Variants in SLC35F1 observed in about 807,000 individuals in gnomAD.
SLC35F1 encodes the protein solute carrier family 35 member F1, also known as chromosome 6 open reading frame 169.
SLC35F1 carries 14 observed loss-of-function variants against 48.7 expected under a neutral mutation model. The ratio of observed to expected loss-of-function variants is 0.29; its 90% CI spans 0.19 to 0.45. The LOEUF is 0.45. Among genes scored for constraint, SLC35F1 ranks in the 20% least tolerant of loss-of-function variants. The pLI is 1.00. For synonymous variants in SLC35F1, 190 were observed against 202.2 expected, an observed-to-expected ratio of 0.94 and a Z score of 0.51; for missense variants, 404 against 500.0, an observed-to-expected ratio of 0.81 and a Z score of 1.83.
At chr6:117,937,149 T>C (rs1776171961) in intron 1 of SLC35F1, among the ~76,000 whole-genome samples, 1 of 152,192 alleles carries the variant, frequency 6.6e-6, no homozygotes, top group South Asian at 2.1e-4. Flanking sequence ...GGGTTCCAAA[T>C]AAGTAGTAGA....
chr6:118,144,200 A>G (rs1039069023), intron 1 of SLC35F1, among the ~76,000 whole-genome samples: 10 of 152,238 alleles, frequency 6.6e-5, no homozygotes, highest in African/African-American at 2.4e-4. Context: ...ATGCCCATCA[A>G]TGATAGACTG....
At chr6:118,140,427 T>C (rs1480484361) in intron 1 of SLC35F1, among the ~76,000 whole-genome samples, 2 of 152,190 alleles carry the variant, frequency 1.3e-5, no homozygotes, top group Non-Finnish European at 2.9e-5. Flanking sequence ...CTGGTGATAG[T>C]GGTGTAAACA....
intron 1 of SLC35F1, among the ~76,000 whole-genome samples, chr6:118,095,685 G>C (rs746787780): frequency 6.6e-6 from 1 of 152,096 alleles, no homozygotes; most frequent in Non-Finnish European, 1.5e-5. Context: ...GAGGTTCCTT[G>C]ACCAAATCAG....
chr6:118,234,342 T>G (rs777653746), intron 2 of SLC35F1, among the ~76,000 whole-genome samples: 5 of 152,216 alleles, frequency 3.3e-5, no homozygotes, highest in Non-Finnish European at 7.3e-5. Context: ...TATAAAAACC[T>G]TATCTTCCAT....
At chr6:118,088,525 T>C (rs1332821571) in intron 1 of SLC35F1, among the ~76,000 whole-genome samples, 2 of 152,196 alleles carry the variant, frequency 1.3e-5, no homozygotes. Flanking sequence ...TTTTACCTCA[T>C]CCACAGAGTG....
At chr6:118,240,885 CAAA>C (rs1455928241) in intron 3 of SLC35F1, among the ~76,000 whole-genome samples, 4 of 152,080 alleles carry the variant, frequency 2.6e-5, no homozygotes, top group Non-Finnish European at 5.9e-5. Context: ...GATGGCGAGA[CAAA>C]GAGGCAGGGA....
intron 2 of SLC35F1, among the ~76,000 whole-genome samples, chr6:118,177,414 A>C (rs957761387): frequency 1.3e-5 from 2 of 152,142 alleles, no homozygotes; most frequent in African/African-American, 4.8e-5. Context: ...CAAGAAAGTA[A>C]AGGAGATAAT....
intron 1 of SLC35F1, among the ~76,000 whole-genome samples, chr6:118,131,719 T>C (rs370390668): frequency 6.6e-6 from 1 of 152,046 alleles, no homozygotes; most frequent in East Asian, 1.9e-4. Flanking sequence ...TTTGCTAATA[T>C]AGTAACTTTA....
chr6:118,134,703 C>T (rs1773768123), intron 1 of SLC35F1, among the ~76,000 whole-genome samples: 1 of 152,166 alleles, frequency 6.6e-6, no homozygotes, highest in African/African-American at 2.4e-5. Flanking sequence ...TTTTTAGGGG[C>T]ATGGAGCCAG....
chr6:117,926,442 C>T (rs182975200), intron 1 of SLC35F1, among the ~76,000 whole-genome samples: 97 of 152,166 alleles, frequency 6.4e-4, no homozygotes, highest in African/African-American at 2.3e-3. Flanking sequence ...GACTGATACA[C>T]ACAGCTATGC....
In SLC35F1 at chr6:117,923,672, T is replaced by TGTACAC. The variant is rs1209927616; in HGVS notation, c.173+15773_173+15774insGTACAC. 1.9e-4 allele frequency among the ~76,000 whole-genome samples: 14 copies of TGTACAC among 74,738 alleles called. 2 individuals are homozygous for TGTACAC. Among genetic ancestry groups the TGTACAC allele is most frequent in the African/African-American group, 7.5e-4 (14 of 18,778 alleles). The allele number at this position is 74,738 out of a possible 152,430, so 49.0% of individuals were successfully genotyped here. The stretch of plus-strand genomic sequence containing the variant: ...ATATGTACATATGTATATATACATA[T>TGTACAC]ATGTACATATATACATATGTACATA... On this transcript the variant is annotated intron_variant, in intron 1 of 7. Transcript: ENST00000360388.
chr6:118,019,797 T>G (rs1460977219), intron 1 of SLC35F1, among the ~76,000 whole-genome samples: 2 of 152,216 alleles, frequency 1.3e-5, no homozygotes, highest in East Asian at 3.8e-4. Context: ...TTCTAAAAAT[T>G]TGGCATTGTT....
At chr6:118,203,754 G>A (rs894894101) in intron 2 of SLC35F1, among the ~76,000 whole-genome samples, 2 of 152,154 alleles carry the variant, frequency 1.3e-5, no homozygotes, top group Admixed American at 6.5e-5. Flanking sequence ...TTGCACTATG[G>A]CAACTATACA....
intron 1 of SLC35F1, among the ~76,000 whole-genome samples, chr6:118,095,055 C>A (rs1773131165): frequency 6.6e-6 from 1 of 152,084 alleles, no homozygotes; most frequent in South Asian, 2.1e-4. Context: ...TCACTTGAAC[C>A]CAGGAGGCGG....
At chr6:117,986,464 G>A (rs957377692) in intron 1 of SLC35F1, among the ~76,000 whole-genome samples, 6 of 152,168 alleles carry the variant, frequency 3.9e-5, no homozygotes, top group African/African-American at 1.4e-4. Flanking sequence ...TAAGGATATA[G>A]TTTTAGGTTT....
At chr6:118,188,375 C>T in intron 2 of SLC35F1, among the ~76,000 whole-genome samples, 1 of 152,026 alleles carries the variant, frequency 6.6e-6, no homozygotes, top group East Asian at 1.9e-4. Flanking sequence ...CATGGTGAAA[C>T]CCCGTCTCTA....
intron 1 of SLC35F1, among the ~76,000 whole-genome samples, chr6:118,085,402 C>T (rs4470879): frequency 0.38 from 56,728 of 151,018 alleles, 11,017 homozygotes; most frequent in East Asian, 0.45. Flanking sequence ...ATGTCCTTTG[C>T]GCAAAGCCTA....
chr6:118,301,321 T>C (rs1776253026), intron 7 of SLC35F1, among the ~76,000 whole-genome samples: 1 of 152,222 alleles, frequency 6.6e-6, no homozygotes, highest in African/African-American at 2.4e-5. Context: ...ATGTCTCAAG[T>C]TGATGAAACC....
At chr6:118,225,336 A>G (rs1775201214) in intron 2 of SLC35F1, among the ~76,000 whole-genome samples, 1 of 152,236 alleles carries the variant, frequency 6.6e-6, no homozygotes, top group Admixed American at 6.5e-5. Context: ...ATATAAATCT[A>G]TGTATTTATA....
Sources: gnomAD v4.1 joint callset for allele counts (sites outside exome capture counted in the v4.1 genomes callset) on GRCh38, gnomAD v4.1.1 for gene constraint, MANE v1.5 for transcripts, NCBI Gene and HGNC (gene_info 2026-07-23, HGNC 2026-07-21) for gene names.